The following MYO3A variants were observed in gnomAD, a reference collection of about 807,000 sequenced individuals.
The protein encoded by MYO3A is myosin-IIIa.
Under a neutral mutation model 192.7 loss-of-function variants are expected in MYO3A, and 180 were observed. That is an observed-to-expected ratio of 0.93 (90% CI 0.83 to 1.06). MYO3A has a LOEUF of 1.06. Ranked by LOEUF, MYO3A falls within the 50% of genes least tolerant of loss-of-function variation. The pLI is 0.00. For synonymous variants in MYO3A, 628 were observed against 645.3 expected (o/e 0.97, Z 0.41); for missense variants, 1,896 against 1,905.0 (o/e 1.00, Z 0.09).
intron 31 of MYO3A, among the ~76,000 whole-genome samples, chr10:26,182,898 A>G (rs1156979493): frequency 6.6e-6 from 1 of 152,190 alleles, no homozygotes; most frequent in Non-Finnish European, 1.5e-5. Flanking sequence ...GTGCATTCGC[A>G]TGTGCTTCTG....
intron 20 of MYO3A, among the ~76,000 whole-genome samples, chr10:26,135,555 C>T (rs533965689): frequency 2.3e-4 from 35 of 152,046 alleles, no homozygotes; most frequent in African/African-American, 7.7e-4. Context: ...AGACCCCTCA[C>T]AGGAAGGAAC....
intron 8 of MYO3A, chr10:26,022,365 C>A (rs1469080889): frequency 6.6e-6 from 1 of 152,096 alleles, no homozygotes. Flanking sequence ...TTTTAAATAT[C>A]TTTTTAAGGA....
At chr10:26,078,067 G>T (rs1302713352) in intron 14 of MYO3A, among the ~76,000 whole-genome samples, 2 of 149,876 alleles carry the variant, frequency 1.3e-5, no homozygotes, top group South Asian at 2.1e-4. Context: ...GTGTCAAAAA[G>T]GTTAGTAACA....
chr10:26,100,476 A>G (rs1186886433), intron 17 of MYO3A, among the ~76,000 whole-genome samples: 2 of 152,052 alleles, frequency 1.3e-5, no homozygotes, highest in African/African-American at 4.8e-5. Context: ...TTGCTTCTCT[A>G]GTTCTTTTAA....
chr10:26,098,671 C>G (rs1564546666), intron 17 of MYO3A, among the ~76,000 whole-genome samples: 1 of 152,186 alleles, frequency 6.6e-6, no homozygotes, highest in Non-Finnish European at 1.5e-5. Context: ...AACAGAGAAT[C>G]CTTTCCCAGT....
chr10:26,124,188 C>CAAAAAAAA (rs34682530), intron 18 of MYO3A, among the ~76,000 whole-genome samples: 1 of 89,574 alleles, frequency 1.1e-5, no homozygotes, highest in Non-Finnish European at 2.2e-5. Context: ...GACTTTGTCT[C>CAAAAAAAA]AAAAAAAAAA....
chr10:26,061,336 A>C (rs1184751773), intron 10 of MYO3A, among the ~76,000 whole-genome samples: 3 of 152,218 alleles, frequency 2.0e-5, no homozygotes, highest in Non-Finnish European at 4.4e-5. Context: ...ACATGTATAG[A>C]CTTCATTAAA....
At chr10:26,125,115 T>A (rs573205306) in intron 18 of MYO3A, among the ~76,000 whole-genome samples, 17 of 152,332 alleles carry the variant, frequency 1.1e-4, no homozygotes, top group Admixed American at 8.5e-4. Flanking sequence ...TGACATCACA[T>A]AAACAACCAC....
Position 26,096,392 on chromosome 10 carries a change from A to T in MYO3A, c.1574A>T (p.Asn525Ile). ...ATCTTTTTTTCCAGTGGAGAAAAAA[A>T]TTTTCATATTTTTTACTACATTTAT... is the stretch of plus-strand genomic sequence containing the variant. Reference protein sequence around the residue: ...RVIHQAIGEKNFHIFYYIYAG... With the variant: ...RVIHQAIGEKIFHIFYYIYAG... Residue 525 changes from asparagine (N) to isoleucine (I), a missense_variant, in exon 16 of 35, where the codon AAT becomes ATT. Coordinates refer to ENST00000642920, the MANE Select transcript of MYO3A (RefSeq NM_017433.5). The T allele has an allele frequency of 6.8e-6, 11 of 1,610,730 alleles. No homozygotes were observed. Among genetic ancestry groups the T allele is most frequent in the Non-Finnish European group, 9.3e-6 (11 of 1,178,268 alleles).
chr10:26,182,937 A>G lies in MYO3A; in HGVS notation c.4438+6092A>G, dbSNP rs112620530. Among the ~76,000 whole-genome samples the G allele has an allele frequency of 1.0e-4, 15 of 149,078 alleles. 1 individual carries two copies. The highest frequency in any genetic ancestry group is 3.7e-4 in the African/African-American group (15 of 40,766). On this transcript the variant is annotated intron_variant, in intron 31 of 34. Transcript: ENST00000642920. Reference sequence around the variant, plus strand: ...TGGCGCCCTGTTTTGATGACTGCTCACATATAAGCGAGATGACCAGGCAGG... The same window carrying G: ...TGGCGCCCTGTTTTGATGACTGCTCGCATATAAGCGAGATGACCAGGCAGG...
chr10:25,996,431 T>G, intron 4 of MYO3A, 59 bp from the exon 5 acceptor site: 3 of 1,454,870 alleles, frequency 2.1e-6, no homozygotes, highest in Non-Finnish European at 2.9e-6. Flanking sequence ...AGAACTTTTC[T>G]AGAAAGAACA....
rs369716193 is a variant in MYO3A at position 25,964,515 on chromosome 10, A to G, written c.303+9507A>G. Among the ~76,000 whole-genome samples the G allele has an allele frequency of 1.5e-3, 223 of 152,294 alleles. 1 individual carries two copies. The highest frequency in any genetic ancestry group is 0.01 in the Middle Eastern group (3 of 294). On this transcript the variant is annotated intron_variant, in intron 4 of 34. Coordinates refer to ENST00000642920, the MANE Select transcript of MYO3A (RefSeq NM_017433.5). Reference sequence around the variant, plus strand: ...AGCTTAGCTTTGTCCCCTGATTTTTAACTTTTTGTTGTTTCTATTTATATC... The same window carrying G: ...AGCTTAGCTTTGTCCCCTGATTTTTGACTTTTTGTTGTTTCTATTTATATC...
chr10:26,162,711 T>C (rs1841541823), intron 26 of MYO3A, among the ~76,000 whole-genome samples: 1 of 152,218 alleles, frequency 6.6e-6, no homozygotes, highest in Non-Finnish European at 1.5e-5. Context: ...TGATATTTAT[T>C]TGAATAACAT....
At chr10:26,080,562 C>T (rs1405923032) in intron 14 of MYO3A, among the ~76,000 whole-genome samples, 1 of 108,518 alleles carries the variant, frequency 9.2e-6, no homozygotes, top group Non-Finnish European at 1.8e-5. Context: ...AGTTCAGATC[C>T]ATTGCTGGTG....
At position 26,120,709 on chromosome 10, in the gene MYO3A, A is replaced by G. The variant is rs1253174475; in HGVS notation, c.1810A>G (p.Ile604Val). The part of the protein sequence containing the change: ...LGSIYSILAA[I>V]LNVGNIEFSS... ...TAGTATATACAGCATACTCGCTGCA[A>G]TCTTGAATGTTGGCAACATTGAATT... Residue 604 changes from isoleucine to valine, a missense_variant, in exon 18 of 35, where the codon ATC (isoleucine) becomes GTC (valine). Transcript: ENST00000642920. The G allele has an allele frequency of 1.9e-6, 3 of 1,614,092 alleles. No homozygotes were observed. Among genetic ancestry groups the G allele is most frequent in the Non-Finnish European group, 2.5e-6 (3 of 1,179,996 alleles).
In MYO3A at chr10:26,173,913, T is replaced by G. The variant is rs760788529; in HGVS notation, c.3649T>G (p.Ser1217Ala). The change falls in exon 30 of 35, where the codon TCT (serine) becomes GCT (alanine). Residue 1217 changes from serine to alanine, a missense_variant. Physicochemically the swap from Ser to Ala is moderately conservative, Grantham distance 99. Coordinates refer to ENST00000642920, the MANE Select transcript of MYO3A (RefSeq NM_017433.5). ...GCCAGAAGTAAGCCCCAAACAGAAG[T>G]CTGTCAAAGACCTGGAAGAGAACAG... ...VGPEVSPKQK[S>A]VKDLEENSNL... 3.1e-6 allele frequency: 5 copies of G among 1,613,464 alleles called. No homozygotes were observed. In the South Asian group the frequency reaches 5.5e-5, roughly 18 times the overall value.
Position 26,176,804 on chromosome 10 carries a change from A to C in MYO3A, c.4397A>C (p.Lys1466Thr). Residue 1466 changes from lysine (K) to threonine (T), a missense_variant, in exon 31 of 35, where the codon AAG becomes ACG. By Grantham distance (78) the Lys-to-Thr change is moderately conservative. Transcript: ENST00000642920. ...CTTTATCTGGGTGTCTCGCACCATA[A>C]GCCAATTAATAGACGAGTTTCTTCT... ...KSLYLGVSHH[K>T]PINRRVSSQQ... 1 of 1,614,210 alleles carries C rather than the reference A, an allele frequency of 6.2e-7. No individual in the cohort carries two copies. The highest frequency in any genetic ancestry group is 8.5e-7 in the Non-Finnish European group (1 of 1,180,030).
At position 26,174,464 on chromosome 10, in the gene MYO3A, T is replaced by C. The variant is rs769212340; in HGVS notation, c.4200T>C (p.His1400=). The C allele has an allele frequency of 2.4e-5, 39 of 1,613,884 alleles. No homozygotes were observed. The highest frequency in any genetic ancestry group is 3.1e-5 in the Non-Finnish European group (36 of 1,179,994). The change falls in exon 30 of 35, where the codon CAT becomes CAC. Residue 1400 remains histidine, a synonymous_variant. Transcript: ENST00000642920. ...ATTTGTATTCCTATCCCACAAAACA[T>C]GAGGAAATCAATAACATCAAGAAGA... is the stretch of plus-strand genomic sequence containing the variant. ...THNLYSYPTK[H]EEINNIKKKD... is the part of the protein sequence containing the mutation.
chr10:25,978,046 A>T (rs944934909), intron 4 of MYO3A, among the ~76,000 whole-genome samples: 113 of 152,316 alleles, frequency 7.4e-4, no homozygotes, highest in African/African-American at 2.6e-3. Flanking sequence ...ACGATGTAGT[A>T]GAAGACATAA....
Sources: gnomAD v4.1 joint callset for allele counts (sites outside exome capture counted in the v4.1 genomes callset) on GRCh38, gnomAD v4.1.1 for gene constraint, MANE v1.5 for transcripts, NCBI Gene and HGNC (gene_info 2026-07-23, HGNC 2026-07-21) for gene names.